DGKB: variants seen among roughly 807,000 people sequenced by gnomAD.
DGKB encodes 90 kDa diacylglycerol kinase.
In DGKB, 67 loss-of-function variants were observed where a neutral mutation model predicts 114.3. That is an observed-to-expected ratio of 0.59 (90% CI 0.48 to 0.72). The LOEUF (loss-of-function observed/expected upper bound fraction) is 0.72. Among genes scored for constraint, DGKB ranks in the 30% least tolerant of loss-of-function variants. The probability of loss-of-function intolerance (pLI) is 0.00; values close to 1 mark genes in which losing one functional copy is unlikely to be tolerated. For missense variants in DGKB, 907 were observed against 975.2 expected (o/e 0.93, Z 0.93); for synonymous variants, 398 against 323.1 (o/e 1.23, Z -2.49).
intron 21 of DGKB, among the ~76,000 whole-genome samples, chr7:14,354,260 G>T (rs868742099): frequency 6.6e-6 from 1 of 152,126 alleles, no homozygotes; most frequent in South Asian, 2.1e-4. Context: ...ACAAAAAGCT[G>T]TAGTTTATTT....
chr7:14,286,158 G>T (rs1800831802), intron 23 of DGKB, among the ~76,000 whole-genome samples: 1 of 152,056 alleles, frequency 6.6e-6, no homozygotes, highest in South Asian at 2.1e-4. Flanking sequence ...TAACCATAAA[G>T]AAATTTTAGG....
At chr7:14,307,575 A>G (rs1804696887) in intron 23 of DGKB, among the ~76,000 whole-genome samples, 1 of 152,174 alleles carries the variant, frequency 6.6e-6, no homozygotes, top group Non-Finnish European at 1.5e-5. Context: ...AAACTGTACA[A>G]ATAAAATGCA....
At chr7:14,183,067 G>A (rs1782870668) in intron 23 of DGKB, among the ~76,000 whole-genome samples, 2 of 152,146 alleles carry the variant, frequency 1.3e-5, no homozygotes, top group Non-Finnish European at 2.9e-5. Context: ...CACTTATTGA[G>A]CCATTATTTG....
chr7:14,374,461 TC>T (rs1185253769), intron 21 of DGKB, among the ~76,000 whole-genome samples: 2 of 152,148 alleles, frequency 1.3e-5, no homozygotes, highest in African/African-American at 4.8e-5. Context: ...AGCTGAAACT[TC>T]CATTAGAATC....
intron 2 of DGKB, among the ~76,000 whole-genome samples, chr7:14,764,369 A>G (rs963178039): frequency 6.6e-6 from 1 of 152,026 alleles, no homozygotes; most frequent in Non-Finnish European, 1.5e-5. Flanking sequence ...ATTCAGTCCA[A>G]TGTTACATTT....
At chr7:14,651,061 C>G (rs1238757355) in intron 13 of DGKB, among the ~76,000 whole-genome samples, 2 of 152,220 alleles carry the variant, frequency 1.3e-5, no homozygotes, top group South Asian at 4.1e-4. Context: ...CGAATTCTAC[C>G]AGAGGTACAA....
Position 14,672,914 on chromosome 7 carries a change from TA to T in DGKB, c.1134+14del. On this transcript the variant is annotated intron_variant, in intron 13 of 25. Coordinates refer to ENST00000402815, the MANE Select transcript of DGKB (RefSeq NM_001350709.2). ...GCAATCCTAAGTTATAGTAGAATGATAAGGAAAAACTCACCAGTACCACTGG... is the reference window on the plus strand; with the variant it reads ...GCAATCCTAAGTTATAGTAGAATGATAGGAAAAACTCACCAGTACCACTGG... 6.8e-7 allele frequency: 1 copy of T among 1,471,172 alleles called. No homozygotes were observed. Among genetic ancestry groups the T allele is most frequent in the Non-Finnish European group, 9.3e-7 (1 of 1,072,950 alleles). 91.1% of individuals were successfully genotyped at this position (1,471,172 alleles called of 1,614,324 possible).
At chr7:14,532,252 A>AG (rs1157426987) in intron 20 of DGKB, among the ~76,000 whole-genome samples, 5 of 151,172 alleles carry the variant, frequency 3.3e-5, no homozygotes, top group African/African-American at 1.2e-4. Context: ...ACCTACAAAA[A>AG]AAAAAAGACA....
chr7:14,259,345 A>C (rs1796397993), intron 23 of DGKB, among the ~76,000 whole-genome samples: 1 of 151,908 alleles, frequency 6.6e-6, no homozygotes, highest in Non-Finnish European at 1.5e-5. Context: ...TTTCGTGTTC[A>C]TTCAAAATAT....
In DGKB at chr7:14,524,711, G is replaced by A. The variant is rs112390804; in HGVS notation, c.1771-46486C>T. ...GCAGAAGTTGCAGTGAGTGGAGATCGCACCACTGCACTCCAGCATGGATGA... is the reference window on the plus strand; with the variant it reads ...GCAGAAGTTGCAGTGAGTGGAGATCACACCACTGCACTCCAGCATGGATGA... On this transcript the variant is annotated intron_variant, in intron 20 of 25. Coordinates refer to ENST00000402815, the MANE Select transcript of DGKB (RefSeq NM_001350709.2). Among the ~76,000 whole-genome samples, 454 of 146,364 alleles carry A rather than the reference G, an allele frequency of 3.1e-3. 1 individual carries two copies. The highest frequency in any genetic ancestry group is 0.011 in the African/African-American group (418 of 39,318).
At chr7:14,507,053 T>C (rs1787200391) in intron 20 of DGKB, among the ~76,000 whole-genome samples, 1 of 152,174 alleles carries the variant, frequency 6.6e-6, no homozygotes, top group Non-Finnish European at 1.5e-5. Context: ...GCCTGATGTC[T>C]GGGTTATTTA....
At chr7:14,487,071 G>A (rs779176380) in intron 20 of DGKB, among the ~76,000 whole-genome samples, 1 of 152,088 alleles carries the variant, frequency 6.6e-6, no homozygotes, top group Non-Finnish European at 1.5e-5. Context: ...CACATGCCAC[G>A]TACCGTGGTG....
chr7:14,316,134 G>A (rs1218428362), intron 23 of DGKB, among the ~76,000 whole-genome samples: 1 of 151,762 alleles, frequency 6.6e-6, no homozygotes, highest in Non-Finnish European at 1.5e-5. Flanking sequence ...ATTCAAAGCA[G>A]TGTGTAGAGG....
At chr7:14,242,464 T>C (rs1426145485) in intron 23 of DGKB, among the ~76,000 whole-genome samples, 1 of 152,128 alleles carries the variant, frequency 6.6e-6, no homozygotes, top group Admixed American at 6.6e-5. Flanking sequence ...TGCTTGAGAC[T>C]CAGATTACTG....
At chr7:14,540,683 C>A (rs1793278078) in intron 20 of DGKB, among the ~76,000 whole-genome samples, 1 of 151,976 alleles carries the variant, frequency 6.6e-6, no homozygotes, top group Non-Finnish European at 1.5e-5. Context: ...TCATTACTTT[C>A]CTATTGCAGT....
At chr7:14,652,183 C>A (rs1814679965) in intron 13 of DGKB, among the ~76,000 whole-genome samples, 1 of 149,312 alleles carries the variant, frequency 6.7e-6, no homozygotes, top group Admixed American at 6.7e-5. Flanking sequence ...AAAGAGCCCA[C>A]ATCACCAAGT....
At chr7:14,717,982 C>T (rs571727716) in intron 6 of DGKB, among the ~76,000 whole-genome samples, 1 of 152,234 alleles carries the variant, frequency 6.6e-6, no homozygotes, top group South Asian at 2.1e-4. Context: ...TCTCTATCCG[C>T]CATGTCCTAA....
At chr7:14,330,003 A>G (rs1809445527) in intron 23 of DGKB, among the ~76,000 whole-genome samples, 1 of 152,044 alleles carries the variant, frequency 6.6e-6, no homozygotes, top group Non-Finnish European at 1.5e-5. Context: ...AAATAAGATG[A>G]TAATTTTACC....
chr7:14,613,960 G>A (rs1008320667), intron 15 of DGKB, among the ~76,000 whole-genome samples: 1 of 152,114 alleles, frequency 6.6e-6, no homozygotes, highest in Admixed American at 6.6e-5. Context: ...TTTGTTCAGT[G>A]CTTTCTTTTC....
Sources: gnomAD v4.1 joint callset for allele counts (sites outside exome capture counted in the v4.1 genomes callset) on GRCh38, gnomAD v4.1.1 for gene constraint, MANE v1.5 for transcripts, NCBI Gene and HGNC (gene_info 2026-07-23, HGNC 2026-07-21) for gene names.